Variants in SLC68A1 observed in about 807,000 individuals in gnomAD.
SLC68A1 encodes the protein solute carrier family 68 member 1.
the SLC68A1 span, among the ~76,000 whole-genome samples, chr10:102,471,646 C>G: frequency 2.0e-5 from 3 of 152,034 alleles, no homozygotes; most frequent in African/African-American, 7.3e-5. Flanking sequence ...GTAATTCCAA[C>G]TACTTGGGAG....
At chr10:102,463,800 G>T in the SLC68A1 span, among the ~76,000 whole-genome samples, 24 of 152,260 alleles carry the variant, frequency 1.6e-4, no homozygotes, top group African/African-American at 5.5e-4. Context: ...GGGGTCTGAT[G>T]ATGGATATAA....
At chr10:102,472,777 G>A in the SLC68A1 span, 14 of 1,060,100 alleles carry the variant, frequency 1.3e-5, no homozygotes, top group African/African-American at 2.0e-4. Context: ...GGGGGGATGT[G>A]TGTTCCCCTG....
chr10:102,468,798 C>T, the SLC68A1 span: 6 of 497,940 alleles, frequency 1.2e-5, no homozygotes, highest in Middle Eastern at 5.4e-4. Context: ...GTGTCTAGCT[C>T]AGCACTGTTT....
At chr10:102,464,203 CA>C in the SLC68A1 span, among the ~76,000 whole-genome samples, 1 of 152,298 alleles carries the variant, frequency 6.6e-6, no homozygotes, top group African/African-American at 2.4e-5. Context: ...TGTGAGCCAG[CA>C]CTTCAGGAGG....
At chr10:102,470,649 C>A in the SLC68A1 span, 1 of 1,601,158 alleles carries the variant, frequency 6.2e-7, no homozygotes, top group Non-Finnish European at 8.5e-7. Context: ...CCCAACAACT[C>A]TCCTTTCCCC....
the SLC68A1 span, chr10:102,470,815 T>C: frequency 6.2e-7 from 1 of 1,613,886 alleles, no homozygotes; most frequent in Non-Finnish European, 8.5e-7. Context: ...TGTGCCTCTA[T>C]GATGGCTTCC....
the SLC68A1 span, among the ~76,000 whole-genome samples, chr10:102,463,651 G>T: frequency 6.6e-6 from 1 of 152,028 alleles, no homozygotes; most frequent in Non-Finnish European, 1.5e-5. Context: ...AAGTGAGAAC[G>T]CTGTTGTTTT....
the SLC68A1 span, chr10:102,473,056 G>A: frequency 2.1e-5 from 19 of 904,194 alleles, no homozygotes; most frequent in East Asian, 4.9e-5. Flanking sequence ...TCCATTTCCC[G>A]ACCCAGTGAT....
the SLC68A1 span, chr10:102,466,084 C>G: frequency 6.6e-6 from 1 of 152,344 alleles, no homozygotes; most frequent in Non-Finnish European, 1.5e-5. Flanking sequence ...CTACCCTGAT[C>G]TAGGTGAGCC....
chr10:102,468,953 A>G, the SLC68A1 span: 1 of 1,315,234 alleles, frequency 7.6e-7, no homozygotes, highest in Non-Finnish European at 1.0e-6. Flanking sequence ...CTTCTTCCCC[A>G]GGGACGAGGA....
At chr10:102,475,883 A>G in the SLC68A1 span, 6 of 1,613,780 alleles carry the variant, frequency 3.7e-6, no homozygotes, top group South Asian at 6.6e-5. Context: ...GCAGCTCTTC[A>G]CCTGGTCCCA....
At chr10:102,469,057 T>C in the SLC68A1 span, 1 of 1,613,830 alleles carries the variant, frequency 6.2e-7, no homozygotes, top group Non-Finnish European at 8.5e-7. Context: ...CCAGGCCTGG[T>C]TGCTGGGTCT....
At chr10:102,463,189 A>G in the SLC68A1 span, among the ~76,000 whole-genome samples, 2 of 141,526 alleles carry the variant, frequency 1.4e-5, no homozygotes, top group Non-Finnish European at 3.1e-5. Flanking sequence ...TTTTTTTTTT[A>G]AGAGACGGAG....
At chr10:102,464,885 G>A in the SLC68A1 span, among the ~76,000 whole-genome samples, 5 of 151,908 alleles carry the variant, frequency 3.3e-5, no homozygotes, top group Non-Finnish European at 7.4e-5. Context: ...TTGGGAGGCC[G>A]AGGCAGGTAA....
At chr10:102,471,132 C>G in the SLC68A1 span, 10 of 1,607,774 alleles carry the variant, frequency 6.2e-6, no homozygotes, top group African/African-American at 1.3e-4. Context: ...GTGGCCAGCC[C>G]CGGCTCTTCA....
chr10:102,469,826 C>T, the SLC68A1 span: 1 of 985,300 alleles, frequency 1.0e-6, no homozygotes, highest in East Asian at 1.1e-4. Flanking sequence ...GTGTGAGCCA[C>T]CAGCGCCTGG....
chr10:102,462,487 G>A, the SLC68A1 span, among the ~76,000 whole-genome samples: 1 of 152,066 alleles, frequency 6.6e-6, no homozygotes, highest in African/African-American at 2.4e-5. Context: ...TCACTCCAGG[G>A]GCCCAGTTCG....
chr10:102,475,954 G>A, the SLC68A1 span: 10 of 1,611,540 alleles, frequency 6.2e-6, no homozygotes, highest in African/African-American at 1.3e-4. Flanking sequence ...ACCTGTCACA[G>A]GCCCAAACCC....
At chr10:102,472,760 G>C in the SLC68A1 span, 2 of 893,726 alleles carry the variant, frequency 2.2e-6, no homozygotes, top group South Asian at 2.6e-5. Context: ...CTGAGGATGG[G>C]GAGTTGGGGG....
Sources: allele counts gnomAD v4.1 joint callset (sites outside exome capture counted in the v4.1 genomes callset), GRCh38; gene constraint gnomAD v4.1.1; transcripts MANE v1.5; gene names NCBI Gene and HGNC (gene_info 2026-07-23, HGNC 2026-07-21).